STXBP6: variants seen among roughly 807,000 people sequenced by gnomAD.
STXBP6 encodes the protein syntaxin-binding protein 6.
STXBP6 carries 21 observed loss-of-function variants against 26.9 expected under a neutral mutation model. The ratio of observed to expected loss-of-function variants is 0.78; its 90% CI spans 0.55 to 1.12. The LOEUF (loss-of-function observed/expected upper bound fraction) is 1.12. Ranked by LOEUF, STXBP6 falls within the 50% of genes most tolerant of loss-of-function variation. STXBP6 has a pLI of 0.00. For synonymous variants in STXBP6, 97 were observed against 92.6 expected (o/e 1.05, Z -0.27); for missense variants, 232 against 257.9 (o/e 0.90, Z 0.69).
intron 2 of STXBP6, among the ~76,000 whole-genome samples, chr14:24,901,894 G>A (rs748355033): frequency 6.6e-6 from 1 of 152,050 alleles, no homozygotes; most frequent in Non-Finnish European, 1.5e-5. Context: ...GAGGTTCCTG[G>A]GATGATGGAA....
intron 2 of STXBP6, among the ~76,000 whole-genome samples, chr14:24,866,659 A>G (rs904626482): frequency 3.3e-5 from 5 of 151,934 alleles, no homozygotes; most frequent in Admixed American, 6.6e-5. Flanking sequence ...ACTTATAGAA[A>G]TGTAAAAATA....
At chr14:24,879,565 A>G (rs1309851218) in intron 2 of STXBP6, among the ~76,000 whole-genome samples, 2 of 152,178 alleles carry the variant, frequency 1.3e-5, no homozygotes, top group African/African-American at 4.8e-5. Flanking sequence ...CTTGCATGCA[A>G]GATAACTGAC....
intron 2 of STXBP6, among the ~76,000 whole-genome samples, chr14:24,861,018 T>A (rs576327265): frequency 6.6e-6 from 1 of 152,224 alleles, no homozygotes; most frequent in South Asian, 2.1e-4. Flanking sequence ...ACTTCATAAC[T>A]TTATGTGGCC....
intron 2 of STXBP6, among the ~76,000 whole-genome samples, chr14:24,876,002 A>G (rs2070129877): frequency 6.6e-6 from 1 of 152,080 alleles, no homozygotes; most frequent in Non-Finnish European, 1.5e-5. Flanking sequence ...AACACCAAAC[A>G]GAGTGGAGGG....
Position 24,929,574 on chromosome 14 carries a change from A to C in STXBP6, c.154+45091T>G, listed in dbSNP as rs59595898. ...AGTTTTATTGCTGAACTTCCAAGGAAGCTAATAAACATTTGTCTGGTTTCC... is the reference window on the plus strand; with the variant it reads ...AGTTTTATTGCTGAACTTCCAAGGACGCTAATAAACATTTGTCTGGTTTCC... On this transcript the variant is annotated intron_variant, in intron 2 of 5. Transcript: ENST00000323944. Among the ~76,000 whole-genome samples the C allele has an allele frequency of 4.6e-3, 705 of 152,356 alleles. 5 individuals carry two copies. The highest frequency in any genetic ancestry group is 0.016 in the African/African-American group (674 of 41,586).
At chr14:24,888,929 G>A (rs947608648) in intron 2 of STXBP6, among the ~76,000 whole-genome samples, 1 of 152,038 alleles carries the variant, frequency 6.6e-6, no homozygotes, top group African/African-American at 2.4e-5. Context: ...AGAGTACCCT[G>A]CCCCTTTTCC....
intron 2 of STXBP6, among the ~76,000 whole-genome samples, chr14:24,951,209 T>A (rs150023029): frequency 3.9e-5 from 6 of 152,204 alleles, no homozygotes; most frequent in East Asian, 1.9e-4. Context: ...TACGTGTGCA[T>A]GTGTCTTTAT....
intron 1 of STXBP6, among the ~76,000 whole-genome samples, chr14:25,037,297 T>A (rs1189631401): frequency 6.6e-6 from 1 of 152,170 alleles, no homozygotes; most frequent in African/African-American, 2.4e-5. Flanking sequence ...CTATCAGCAC[T>A]TGTTTTTCTG....
intron 2 of STXBP6, among the ~76,000 whole-genome samples, chr14:24,962,716 A>G (rs2073590276): frequency 1.3e-5 from 2 of 152,182 alleles, no homozygotes; most frequent in Non-Finnish European, 2.9e-5. Context: ...AGCTCACGGC[A>G]GAGCACTAAG....
chr14:24,819,235 T>A (rs2068070673), intron 4 of STXBP6, 41 bp from the exon 5 acceptor site: 6 of 1,611,688 alleles, frequency 3.7e-6, no homozygotes, highest in African/African-American at 1.3e-5. Context: ...CTGGCTCAGC[T>A]GACCCACAGT....
At chr14:24,877,921 A>G (rs1410846514) in intron 2 of STXBP6, among the ~76,000 whole-genome samples, 4 of 152,182 alleles carry the variant, frequency 2.6e-5, no homozygotes, top group African/African-American at 9.6e-5. Context: ...AACAGTGTGT[A>G]GTCAAGCTAT....
At chr14:24,827,274 A>C (rs994734046) in intron 4 of STXBP6, among the ~76,000 whole-genome samples, 4 of 152,198 alleles carry the variant, frequency 2.6e-5, no homozygotes, top group Admixed American at 2.0e-4. Context: ...ACTAAATGAA[A>C]TACATATTTA....
chr14:25,035,945 C>G (rs2075542181), intron 1 of STXBP6, among the ~76,000 whole-genome samples: 1 of 152,040 alleles, frequency 6.6e-6, no homozygotes, highest in African/African-American at 2.4e-5. Context: ...GGGCTGGGCA[C>G]GGTGGCTCAC....
intron 2 of STXBP6, among the ~76,000 whole-genome samples, chr14:24,921,736 C>A (rs546761302): frequency 1.3e-5 from 2 of 152,234 alleles, no homozygotes; most frequent in South Asian, 4.1e-4. Context: ...ACAGTCATTT[C>A]TCATAAAAAG....
At chr14:24,821,343 G>A (rs554460977) in intron 4 of STXBP6, among the ~76,000 whole-genome samples, 85 of 152,296 alleles carry the variant, frequency 5.6e-4, no homozygotes, top group African/African-American at 2.0e-3. Flanking sequence ...ATCTTCACTC[G>A]TGTTTCTGGA....
intron 1 of STXBP6, among the ~76,000 whole-genome samples, chr14:24,997,367 T>C (rs975069495): frequency 2.6e-5 from 4 of 152,198 alleles, no homozygotes; most frequent in African/African-American, 9.6e-5. Context: ...AAGCATCACA[T>C]TTTTCAAGGT....
chr14:24,854,944 C>G (rs1468788189), intron 4 of STXBP6, among the ~76,000 whole-genome samples: 1 of 151,928 alleles, frequency 6.6e-6, no homozygotes, highest in Non-Finnish European at 1.5e-5. Flanking sequence ...TGCATAAATA[C>G]CTAAGAAAGA....
intron 2 of STXBP6, among the ~76,000 whole-genome samples, chr14:24,950,461 C>T (rs997452293): frequency 4.6e-5 from 7 of 152,008 alleles, no homozygotes; most frequent in Non-Finnish European, 7.4e-5. Context: ...TAAAATATAG[C>T]GGTATGTTTT....
intron 2 of STXBP6, among the ~76,000 whole-genome samples, chr14:24,959,695 T>C (rs1161703588): frequency 6.6e-6 from 1 of 152,124 alleles, no homozygotes; most frequent in African/African-American, 2.4e-5. Flanking sequence ...ATATAAAGTA[T>C]AACAACTGAC....
Sources: allele counts gnomAD v4.1 joint callset (sites outside exome capture counted in the v4.1 genomes callset), GRCh38; gene constraint gnomAD v4.1.1; transcripts MANE v1.5; gene names NCBI Gene and HGNC (gene_info 2026-07-23, HGNC 2026-07-21).